KCNJ16: variants seen among roughly 807,000 people sequenced by gnomAD.
KCNJ16 encodes the protein potassium inwardly rectifying channel subfamily J member 16.
KCNJ16 carries 15 observed loss-of-function variants against 18.5 expected under a neutral mutation model. That is an observed-to-expected ratio of 0.81 (90% CI 0.54 to 1.25). The LOEUF (loss-of-function observed/expected upper bound fraction) is 1.25. Ranked by LOEUF, KCNJ16 falls within the 50% of genes most tolerant of loss-of-function variation. The probability of loss-of-function intolerance (pLI) is 0.00; values close to 1 mark genes in which losing one functional copy is unlikely to be tolerated. For synonymous variants in KCNJ16, 174 were observed against 186.5 expected, an observed-to-expected ratio of 0.93 and a Z score of 0.55; for missense variants, 523 against 525.7, an observed-to-expected ratio of 0.99 and a Z score of 0.05.
chr17:70,132,430 G>T lies in KCNJ16; in HGVS notation c.343G>T (p.Val115Phe). 1 of 1,614,072 alleles carries T rather than the reference G, an allele frequency of 6.2e-7. No homozygotes were observed. Among genetic ancestry groups the T allele is most frequent in the African/African-American group, 1.3e-5 (1 of 75,004 alleles). The change falls in exon 4 of 4, where the codon GTC becomes TTC. Residue 115 changes from valine to phenylalanine, a missense_variant. Val to Phe is a conservative substitution (Grantham distance 50). Coordinates refer to ENST00000392671, the MANE Select transcript of KCNJ16 (RefSeq NM_170741.4). ...AGACATCACACCTTGTGTTGACAAC[G>T]TCCATTCTTTCACAGGGGCCTTTTT... is the stretch of plus-strand genomic sequence containing the variant. ...DPDITPCVDN[V>F]HSFTGAFLFS... is the part of the protein sequence containing the mutation.
chr17:70,132,136 T>C lies in KCNJ16; in HGVS notation c.49T>C (p.Tyr17His), dbSNP rs2074076817. 6.2e-7 allele frequency: 1 copy of C among 1,613,946 alleles called. No homozygotes were observed. Among genetic ancestry groups the C allele is most frequent in the Non-Finnish European group, 8.5e-7 (1 of 1,180,002 alleles). The stretch of plus-strand genomic sequence containing the variant: ...TCATATTATCAATGCGGACGCAAAA[T>C]ACCCAGGCTACCCGCCAGAGCACAT... ...SYHIINADAK[Y>H]PGYPPEHIIA... is the part of the protein sequence containing the mutation. Residue 17 changes from tyrosine to histidine, a missense_variant, in exon 4 of 4, where the codon TAC (tyrosine) becomes CAC (histidine). Transcript: ENST00000392671.
intron 2 of KCNJ16, among the ~76,000 whole-genome samples, chr17:70,124,198 A>T (rs1002516438): frequency 3.9e-5 from 6 of 152,334 alleles, no homozygotes; most frequent in Admixed American, 1.3e-4. Context: ...CCTAGGCCAA[A>T]CCTTCTTGGA....
chr17:70,085,786 A>G (rs1484071697), intron 1 of KCNJ16, among the ~76,000 whole-genome samples: 1 of 152,212 alleles, frequency 6.6e-6, no homozygotes, highest in African/African-American at 2.4e-5. Context: ...CAAACCACAG[A>G]GAATATCTTC....
At chr17:70,124,764 T>C (rs1459456278) in intron 2 of KCNJ16, among the ~76,000 whole-genome samples, 2 of 152,228 alleles carry the variant, frequency 1.3e-5, no homozygotes, top group African/African-American at 4.8e-5. Flanking sequence ...AATCACCTTG[T>C]GGATTTCTTT....
intron 2 of KCNJ16, among the ~76,000 whole-genome samples, chr17:70,110,381 TCA>T (rs1182179364): frequency 1.3e-5 from 2 of 152,046 alleles, no homozygotes; most frequent in Admixed American, 6.6e-5. Context: ...CTTTGGTCCT[TCA>T]CAGTGATTTC....
Position 70,133,271 on chromosome 17 carries a change from A to G in KCNJ16, c.1184A>G (p.His395Arg), listed in dbSNP as rs371863567. 2.8e-5 allele frequency: 45 copies of G among 1,614,070 alleles called. No individual in the cohort carries two copies. Among genetic ancestry groups the G allele is most frequent in the Non-Finnish European group, 3.4e-5 (40 of 1,180,028 alleles). Reference protein sequence around the residue: ...NPEETTTSATHEYRETPYQKA... With the variant: ...NPEETTTSATREYRETPYQKA... ...GAGGAGACCACCACTTCCGCCACAC[A>G]TGAATATAGGGAAACACCTTATCAG... is the stretch of plus-strand genomic sequence containing the variant. The change falls in exon 4 of 4, where the codon CAT (histidine) becomes CGT (arginine). Residue 395 changes from histidine to arginine, a missense_variant. By Grantham distance (29) the His-to-Arg change is conservative. Transcript: ENST00000392671.
rs1272249031 is a variant in KCNJ16, at chr17:70,092,214, C to A, written c.-299-8444C>A. 2.0e-5 allele frequency among the ~76,000 whole-genome samples: 3 copies of A among 152,016 alleles called. 1 individual carries two copies. In the South Asian group the frequency reaches 6.2e-4, roughly 32 times the overall value. On this transcript the variant is annotated intron_variant, in intron 1 of 3. Coordinates refer to ENST00000392671, the MANE Select transcript of KCNJ16 (RefSeq NM_170741.4). ...TTACATAAGTGTTTTCTACTTTTAG[C>A]CTGTATATTTACAATTATGGAATAA...
At chr17:70,081,128 AGAT>A (rs1215780289) in intron 1 of KCNJ16, among the ~76,000 whole-genome samples, 2 of 152,192 alleles carry the variant, frequency 1.3e-5, no homozygotes, top group Admixed American at 6.5e-5. Flanking sequence ...AGAATATTAG[AGAT>A]GATGAGTTAT....
intron 2 of KCNJ16, among the ~76,000 whole-genome samples, chr17:70,117,636 A>ATAACAC (rs2073465361): frequency 6.6e-6 from 1 of 152,184 alleles, no homozygotes; most frequent in Non-Finnish European, 1.5e-5. Flanking sequence ...TTATAGTCTT[A>ATAACAC]GGAGTACTAA....
intron 2 of KCNJ16, among the ~76,000 whole-genome samples, chr17:70,117,017 C>A (rs933768557): frequency 1.3e-5 from 2 of 152,156 alleles, no homozygotes; most frequent in Non-Finnish European, 2.9e-5. Flanking sequence ...TTGATAAAGG[C>A]ACCATTCACA....
Position 70,075,274 on chromosome 17 carries a change from C to T in KCNJ16, c.-416C>T, listed in dbSNP as rs1021770682. Reference sequence around the variant, plus strand: ...AACAAACCGGTGTCAATGGTTAACCCAGGTTCTTGGTGTCTGGAGCTTTTC... The same window carrying T: ...AACAAACCGGTGTCAATGGTTAACCTAGGTTCTTGGTGTCTGGAGCTTTTC... On this transcript the variant is annotated 5_prime_UTR_variant, in exon 1 of 4. Coordinates refer to ENST00000392671, the MANE Select transcript of KCNJ16 (RefSeq NM_170741.4). 1 of 152,108 alleles carries T rather than the reference C, an allele frequency of 6.6e-6. No homozygotes were observed. Among genetic ancestry groups the T allele is most frequent in the African/African-American group, 2.4e-5 (1 of 41,402 alleles). The allele number at this position is 152,108 out of a possible 1,614,324, so 9.4% of individuals were successfully genotyped here.
rs1462026945 is a variant in KCNJ16, at chr17:70,132,242, G to A, written c.155G>A (p.Gly52Glu). The change falls in exon 4 of 4, where the codon GGA (glycine) becomes GAA (glutamate). Residue 52 changes from glycine to glutamate, a missense_variant. Gly to Glu is a moderately conservative substitution (Grantham distance 98, BLOSUM62 -2). Coordinates refer to ENST00000392671, the MANE Select transcript of KCNJ16 (RefSeq NM_170741.4). ...AATGTCTACTTCAAGCACATTTTTG[G>A]AGAATGGGGAAGCTATGTGGTTGAC... ...SCNVYFKHIF[G>E]EWGSYVVDIF... 6.2e-7 allele frequency: 1 copy of A among 1,614,106 alleles called. No individual in the cohort carries two copies.
At chr17:70,094,039 T>C (rs1448416421) in intron 1 of KCNJ16, among the ~76,000 whole-genome samples, 2 of 152,130 alleles carry the variant, frequency 1.3e-5, no homozygotes, top group Non-Finnish European at 1.5e-5. Flanking sequence ...GTCAAAAATA[T>C]TTATCCTATA....
At chr17:70,097,417 G>C (rs560766464) in intron 1 of KCNJ16, among the ~76,000 whole-genome samples, 4 of 152,166 alleles carry the variant, frequency 2.6e-5, no homozygotes, top group Non-Finnish European at 4.4e-5. Flanking sequence ...ATCAAAAAGT[G>C]TTTATATTGT....
At chr17:70,116,779 CCATT>C (rs2073425292) in intron 2 of KCNJ16, among the ~76,000 whole-genome samples, 1 of 152,104 alleles carries the variant, frequency 6.6e-6, no homozygotes, top group Non-Finnish European at 1.5e-5. Flanking sequence ...GTGAGAATAG[CCATT>C]ATTAATAACT....
At chr17:70,096,874 T>C (rs1351092195) in intron 1 of KCNJ16, 2 of 398,158 alleles carry the variant, frequency 5.0e-6, no homozygotes, top group African/African-American at 2.1e-5. Context: ...CTTTATTGTT[T>C]AGAGTGTAGA....
intron 1 of KCNJ16, among the ~76,000 whole-genome samples, chr17:70,082,717 G>A (rs1353381210): frequency 6.6e-6 from 1 of 152,104 alleles, no homozygotes; most frequent in Non-Finnish European, 1.5e-5. Context: ...TATGGAGTAG[G>A]TGGCCAGAAC....
chr17:70,104,593 T>C (rs865808895), intron 2 of KCNJ16, among the ~76,000 whole-genome samples: 31 of 152,314 alleles, frequency 2.0e-4, no homozygotes, highest in African/African-American at 3.6e-4. Flanking sequence ...GTACAAGACC[T>C]AGAGGTGTCA....
At chr17:70,085,938 T>C (rs187370914) in intron 1 of KCNJ16, among the ~76,000 whole-genome samples, 2 of 152,274 alleles carry the variant, frequency 1.3e-5, no homozygotes, top group African/African-American at 4.8e-5. Flanking sequence ...GAAAGTAATG[T>C]TTTATTGATG....
Sources: allele counts gnomAD v4.1 joint callset (sites outside exome capture counted in the v4.1 genomes callset), GRCh38; gene constraint gnomAD v4.1.1; transcripts MANE v1.5; gene names NCBI Gene and HGNC (gene_info 2026-07-23, HGNC 2026-07-21).